The following RIMS2 variants were observed in gnomAD, a reference collection of about 807,000 sequenced individuals.
RIMS2 encodes regulating synaptic membrane exocytosis 2.
In RIMS2, 59 loss-of-function variants were observed where a neutral mutation model predicts 174.4. The observed-to-expected ratio is 0.34, with a 90% CI of 0.27 to 0.42. The LOEUF is 0.42. RIMS2 is among the 10% of genes least tolerant of loss of function. RIMS2 has a pLI of 1.00. For missense variants in RIMS2, 1,620 were observed against 1,666.3 expected (o/e 0.97, Z 0.48); for synonymous variants, 606 against 572.5 (o/e 1.06, Z -0.84).
chr8:103,782,392 AT>A (rs199809019), intron 3 of RIMS2, among the ~76,000 whole-genome samples: 30 of 151,170 alleles, frequency 2.0e-4, no homozygotes, highest in Non-Finnish European at 3.8e-4. Flanking sequence ...TTATTACAAC[AT>A]TTTTTTGCTA....
intron 1 of RIMS2, among the ~76,000 whole-genome samples, chr8:103,596,629 A>G (rs927586871): frequency 6.6e-6 from 1 of 152,072 alleles, no homozygotes; most frequent in Non-Finnish European, 1.5e-5. Context: ...CATACATTAT[A>G]TGTATTGAAA....
intron 19 of RIMS2, among the ~76,000 whole-genome samples, chr8:104,200,860 G>A (rs1485849621): frequency 6.6e-6 from 1 of 152,202 alleles, no homozygotes; most frequent in Non-Finnish European, 1.5e-5. Flanking sequence ...GCTGCAGTGA[G>A]CCATGATCTT....
chr8:104,114,229 T>C (rs2098243739), intron 19 of RIMS2, among the ~76,000 whole-genome samples: 1 of 152,014 alleles, frequency 6.6e-6, no homozygotes. Flanking sequence ...TAAGAGAAAT[T>C]CTATTTTGGC....
At chr8:103,858,210 A>G (rs769415458) in intron 3 of RIMS2, among the ~76,000 whole-genome samples, 13 of 152,216 alleles carry the variant, frequency 8.5e-5, no homozygotes, top group Non-Finnish European at 1.6e-4. Context: ...ACTATTGCTA[A>G]AACAGGCATG....
At chr8:103,563,290 A>C (rs2091886695) in intron 1 of RIMS2, among the ~76,000 whole-genome samples, 1 of 152,186 alleles carries the variant, frequency 6.6e-6, no homozygotes, top group South Asian at 2.1e-4. Flanking sequence ...GAATGCCTTT[A>C]ACAGCACCCA....
intron 12 of RIMS2, among the ~76,000 whole-genome samples, chr8:103,932,364 A>G (rs1181568914): frequency 2.6e-5 from 4 of 152,360 alleles, no homozygotes; most frequent in Admixed American, 2.6e-4. Context: ...AAGAATAGAC[A>G]ATGAACAAAG....
chr8:103,936,071 A>T (rs909705756), intron 12 of RIMS2, among the ~76,000 whole-genome samples: 8 of 152,210 alleles, frequency 5.3e-5, no homozygotes, highest in Admixed American at 5.2e-4. Flanking sequence ...TCTTTATAAA[A>T]AATAAATTAT....
chr8:103,851,644 TACACACACACAC>T (rs10529078), intron 3 of RIMS2, among the ~76,000 whole-genome samples: 18,257 of 136,522 alleles, frequency 0.13, 1,494 homozygotes, highest in Non-Finnish European at 0.19. Context: ...GAATGCTATG[TACACACACACAC>T]ACACACACAC....
At chr8:104,052,520 A>G (rs2096803061) in intron 19 of RIMS2, among the ~76,000 whole-genome samples, 1 of 152,196 alleles carries the variant, frequency 6.6e-6, no homozygotes, top group Non-Finnish European at 1.5e-5. Context: ...CTTTGAATCT[A>G]AAGCAGTGGG....
At chr8:103,644,542 T>A (rs1469738997) in intron 1 of RIMS2, among the ~76,000 whole-genome samples, 2 of 152,088 alleles carry the variant, frequency 1.3e-5, no homozygotes, top group Non-Finnish European at 2.9e-5. Flanking sequence ...TAGTTTCTCA[T>A]ATTACCAATT....
intron 19 of RIMS2, among the ~76,000 whole-genome samples, chr8:104,097,031 G>A (rs1446453918): frequency 6.6e-6 from 1 of 151,990 alleles, no homozygotes; most frequent in East Asian, 1.9e-4. Flanking sequence ...TTTTGTTTTG[G>A]TAGTTGATAA....
chr8:103,635,087 G>A (rs903111434), intron 1 of RIMS2, among the ~76,000 whole-genome samples: 1 of 152,112 alleles, frequency 6.6e-6, no homozygotes, highest in Non-Finnish European at 1.5e-5. Context: ...ATGTTGGCCT[G>A]TTTGTATGGT....
intron 7 of RIMS2, 114 bp downstream of exon 10, chr8:103,915,708 A>T: frequency 2.1e-6 from 1 of 479,748 alleles, no homozygotes; most frequent in Non-Finnish European, 3.7e-6. Context: ...TTTAACTTAG[A>T]TATAAATCTC....
At chr8:104,237,962 A>G (rs929828202) in intron 19 of RIMS2, among the ~76,000 whole-genome samples, 4 of 152,140 alleles carry the variant, frequency 2.6e-5, no homozygotes, top group Non-Finnish European at 5.9e-5. Context: ...CATCTTTCAT[A>G]TCTTGATATA....
chr8:103,749,356 C>T (rs1486513665), intron 2 of RIMS2, among the ~76,000 whole-genome samples: 1 of 152,076 alleles, frequency 6.6e-6, no homozygotes, highest in Non-Finnish European at 1.5e-5. Flanking sequence ...TCGTGATCCG[C>T]CCGCCTTGGC....
chr8:104,057,041 A>G (rs1465481238), intron 19 of RIMS2, among the ~76,000 whole-genome samples: 1 of 149,498 alleles, frequency 6.7e-6, no homozygotes, highest in Non-Finnish European at 1.5e-5. Context: ...GACCAAGTAC[A>G]TCCTTTTTTC....
At chr8:103,819,239 C>T in intron 3 of RIMS2, 3 of 1,264,056 alleles carry the variant, frequency 2.4e-6, no homozygotes, top group Non-Finnish European at 3.0e-6. Context: ...CTGGGAATGC[C>T]CAAAAAGCTT....
chr8:103,839,489 T>C (rs903065646), intron 3 of RIMS2, among the ~76,000 whole-genome samples: 2 of 152,044 alleles, frequency 1.3e-5, no homozygotes, highest in Non-Finnish European at 2.9e-5. Context: ...ACTTCTAGGA[T>C]ATGGTTTTCT....
At chr8:103,543,236 G>A (rs909967512) in intron 1 of RIMS2, among the ~76,000 whole-genome samples, 2 of 151,978 alleles carry the variant, frequency 1.3e-5, no homozygotes, top group African/African-American at 4.8e-5. Context: ...ATGACGTACT[G>A]GAGAAAGAAA....
Sources: gnomAD v4.1 joint callset for allele counts (sites outside exome capture counted in the v4.1 genomes callset) on GRCh38, gnomAD v4.1.1 for gene constraint, MANE v1.5 for transcripts, NCBI Gene and HGNC (gene_info 2026-07-23, HGNC 2026-07-21) for gene names.